The following RIOK3 variants were observed in gnomAD, a reference collection of about 807,000 sequenced individuals.
The protein encoded by RIOK3 is serine/threonine-protein kinase RIO3.
RIOK3 carries 40 observed loss-of-function variants against 63.5 expected under a neutral mutation model. That is an observed-to-expected ratio of 0.63 (90% CI 0.49 to 0.82). The LOEUF is 0.82. RIOK3 is among the 40% of genes least tolerant of loss of function. The pLI, the probability that RIOK3 is intolerant of heterozygous loss-of-function variation, is 0.00. For synonymous variants in RIOK3, 193 were observed against 205.0 expected (o/e 0.94, Z 0.50); for missense variants, 557 against 637.0 (o/e 0.87, Z 1.35).
chr18:23,457,527 C>T (rs1453457125), intron 1 of RIOK3, among the ~76,000 whole-genome samples: 2 of 152,072 alleles, frequency 1.3e-5, no homozygotes, highest in African/African-American at 4.8e-5. Context: ...AATTATGTAT[C>T]AATATTGGTT....
Position 23,481,195 on chromosome 18 carries a change from T to A in RIOK3, c.1476T>A (p.Asn492Lys), listed in dbSNP as rs1434679825. The change falls in exon 13 of 13, where the codon AAT (asparagine) becomes AAA (lysine). Residue 492 changes from asparagine (N) to lysine (K), a missense_variant. This residue lies in a region of RIOK3 where 309 missense variants were observed against 338.7 expected (regional missense o/e 0.91). Coordinates refer to ENST00000339486, the MANE Select transcript of RIOK3 (RefSeq NM_003831.5). Reference sequence around the variant, plus strand: ...AGATAGAAGCTTTGGAGAAAATGAATGAAGATCACGTTCAGAAGAATGGAA... The same window carrying A: ...AGATAGAAGCTTTGGAGAAAATGAAAGAAGATCACGTTCAGAAGAATGGAA... Reference protein sequence around the residue: ...LAEIEALEKMNEDHVQKNGRK... With the variant: ...LAEIEALEKMKEDHVQKNGRK... 2 of 1,611,562 alleles carry A rather than the reference T, an allele frequency of 1.2e-6. No homozygotes were observed. Among genetic ancestry groups the A allele is most frequent in the African/African-American group, 2.7e-5 (2 of 74,848 alleles).
At chr18:23,466,692 A>T (rs1268680177) in intron 6 of RIOK3, among the ~76,000 whole-genome samples, 6 of 108,162 alleles carry the variant, frequency 5.5e-5, no homozygotes, top group Admixed American at 1.3e-4. Flanking sequence ...CCTGCCTTAA[A>T]AAAAAAAAAA....
intron 6 of RIOK3, among the ~76,000 whole-genome samples, chr18:23,466,858 C>T (rs573339424): frequency 4.5e-4 from 67 of 150,218 alleles, no homozygotes; most frequent in Admixed American, 1.9e-3. Context: ...AAAAATTAGC[C>T]GGGCATGTTG....
chr18:23,467,783 TA>T (rs1396073517), intron 7 of RIOK3, among the ~76,000 whole-genome samples: 1 of 151,916 alleles, frequency 6.6e-6, no homozygotes, highest in East Asian at 1.9e-4. Context: ...TTATTATTAT[TA>T]TTATTTTTTG....
At chr18:23,480,567 A>G (rs1000187522) in intron 12 of RIOK3, among the ~76,000 whole-genome samples, 26 of 151,080 alleles carry the variant, frequency 1.7e-4, no homozygotes, top group Admixed American at 1.5e-3. Flanking sequence ...ACACACACAC[A>G]CACACACACA....
At position 23,473,478 on chromosome 18, in the gene RIOK3, A is replaced by G; in HGVS notation, c.865A>G (p.Ile289Val). 2 of 1,612,562 alleles carry G rather than the reference A, an allele frequency of 1.2e-6. No individual in the cohort carries two copies. The highest frequency in any genetic ancestry group is 1.7e-6 in the Non-Finnish European group (2 of 1,179,100). ...DSKVIPTECAIKVFKTTLNEF... is the reference protein window; with the variant it reads ...DSKVIPTECAVKVFKTTLNEF... ...TAAAGTTATACCTACAGAATGTGCC[A>G]TCAAGGTATTTAAAACAACCCTTAA... Residue 289 changes from isoleucine (I) to valine (V), a missense_variant, in exon 8 of 13, where the codon ATC (isoleucine) becomes GTC (valine). Physicochemically the swap from Ile to Val is conservative, Grantham distance 29. Coordinates refer to ENST00000339486, the MANE Select transcript of RIOK3 (RefSeq NM_003831.5).
intron 5 of RIOK3, among the ~76,000 whole-genome samples, chr18:23,465,064 G>T (rs140916892): frequency 6.6e-6 from 1 of 152,066 alleles, no homozygotes; most frequent in Non-Finnish European, 1.5e-5. Context: ...CAGAAGTAAA[G>T]TGTAACTTTA....
At chr18:23,471,113 C>T (rs2057453549) in intron 7 of RIOK3, among the ~76,000 whole-genome samples, 1 of 152,180 alleles carries the variant, frequency 6.6e-6, no homozygotes, top group African/African-American at 2.4e-5. Flanking sequence ...TATGCTTCCC[C>T]CATCCTCAAC....
intron 7 of RIOK3, among the ~76,000 whole-genome samples, chr18:23,469,344 T>TC (rs2057434934): frequency 1.8e-4 from 1 of 5,484 alleles, no homozygotes. Flanking sequence ...TCTCCCCCTC[T>TC]CTCCCCCTCT....
intron 2 of RIOK3, 52 bp from the exon 3 acceptor site, chr18:23,463,915 C>T (rs1418456864): frequency 6.7e-6 from 10 of 1,495,658 alleles, no homozygotes; most frequent in African/African-American, 1.4e-5. Context: ...AATTGGCAAC[C>T]TCTGTTTACT....
rs2057543323 is a variant in RIOK3 at position 23,482,672 on chromosome 18, T to C, written c.*1393T>C. ...TGGCTTTGTTAGGATTAAAGTTCAT[T>C]AACTTCAATGTAATCATGCCTCCTA... On this transcript the variant is annotated 3_prime_UTR_variant, in exon 13 of 13. Transcript: ENST00000339486. The C allele has an allele frequency of 2.0e-5, 3 of 152,224 alleles. No homozygotes were observed. Among genetic ancestry groups the C allele is most frequent in the African/African-American group, 7.2e-5 (3 of 41,458 alleles). The allele number at this position is 152,224 out of a possible 1,614,324, so 9.4% of individuals were successfully genotyped here. A position where few individuals can be genotyped will look rare whatever the true frequency, so the allele number is the denominator to read the frequency against.
chr18:23,468,734 T>C (rs971305834), intron 7 of RIOK3, among the ~76,000 whole-genome samples: 32 of 152,254 alleles, frequency 2.1e-4, no homozygotes, highest in African/African-American at 6.0e-4. Flanking sequence ...TAAAAGTTAA[T>C]GCTTTTAAAA....
At chr18:23,472,799 C>T (rs1447154931) in intron 7 of RIOK3, among the ~76,000 whole-genome samples, 1 of 152,188 alleles carries the variant, frequency 6.6e-6, no homozygotes, top group Non-Finnish European at 1.5e-5. Context: ...CAAGTCTTAA[C>T]TATAGTGTTT....
intron 7 of RIOK3, among the ~76,000 whole-genome samples, chr18:23,467,908 G>T (rs758249100): frequency 1.3e-5 from 2 of 152,122 alleles, no homozygotes; most frequent in Non-Finnish European, 2.9e-5. Flanking sequence ...CTCCAGAGTA[G>T]CTGGGATTAC....
intron 11 of RIOK3, among the ~76,000 whole-genome samples, chr18:23,478,795 C>T (rs192160101): frequency 1.7e-4 from 26 of 152,012 alleles, no homozygotes; most frequent in African/African-American, 6.0e-4. Context: ...AACCTCTGAG[C>T]CTGCTTGAAA....
At chr18:23,464,494 C>T (rs1330097134) in intron 4 of RIOK3, 25 bp from the exon 5 acceptor site, 1 of 1,464,102 alleles carries the variant, frequency 6.8e-7, no homozygotes, top group Non-Finnish European at 9.4e-7. Context: ...TTTTTATATA[C>T]CTGGCTTATT....
intron 3 of RIOK3, 29 bp downstream of exon 3, chr18:23,464,141 T>C (rs765408487): frequency 1.3e-5 from 21 of 1,607,636 alleles, no homozygotes; most frequent in South Asian, 2.2e-5. Context: ...GACAACTTCA[T>C]TGAGTGGTAG....
chr18:23,462,195 A>G (rs2057376688), intron 1 of RIOK3, among the ~76,000 whole-genome samples: 1 of 123,834 alleles, frequency 8.1e-6, no homozygotes, highest in Admixed American at 9.4e-5. Flanking sequence ...GCTGGAGTGC[A>G]GTGGCGCGAT....
intron 7 of RIOK3, among the ~76,000 whole-genome samples, chr18:23,470,321 C>T (rs1185013526): frequency 6.6e-6 from 1 of 150,660 alleles, no homozygotes; most frequent in Non-Finnish European, 1.5e-5. Context: ...GCTGAGATCG[C>T]GCCACTGCAC....
Sources: allele counts gnomAD v4.1 joint callset (sites outside exome capture counted in the v4.1 genomes callset), GRCh38; gene constraint gnomAD v4.1.1; regional missense constraint gnomAD v4.1.1; transcripts MANE v1.5; gene names NCBI Gene and HGNC (gene_info 2026-07-23, HGNC 2026-07-21).